The following SYTL1 variants were observed in gnomAD, a reference collection of about 807,000 sequenced individuals.
SYTL1 encodes the protein synaptotagmin-like protein 1.
A neutral mutation model predicts 74.6 loss-of-function variants in SYTL1; 53 were observed. That is an observed-to-expected ratio of 0.71 (90% CI 0.57 to 0.89). The LOEUF is 0.89. Ranked by LOEUF, SYTL1 falls within the 40% of genes least tolerant of loss-of-function variation. The pLI is 0.00. For missense variants in SYTL1, 728 were observed against 768.7 expected, an observed-to-expected ratio of 0.95 and a Z score of 0.63; for synonymous variants, 329 against 324.9, an observed-to-expected ratio of 1.01 and a Z score of -0.14.
rs369380842 is a variant in SYTL1, at chr1:27,350,832, G to A, written c.1044G>A (p.Leu348=). Residue 348 remains leucine, a synonymous_variant, in exon 11 of 15, where the codon CTG becomes CTA. Transcript: ENST00000616558. This position sits in a 1 kb window ranked among gnomAD's most constrained non-coding sequence, Gnocchi z 6.3. The part of the protein sequence containing the change: ...VPQAELQGRV[L]SLSVWHRESL... ...AGGCCGAGCTTCAGGGCCGCGTGCT[G>A]AGCCTGTCTGTGTGGCACCGCGAAA... The A allele has an allele frequency of 7.4e-6, 12 of 1,613,756 alleles. No individual in the cohort carries two copies. Among genetic ancestry groups the A allele is most frequent in the Non-Finnish European group, 8.5e-6 (10 of 1,180,044 alleles).
Position 27,348,067 on chromosome 1 carries a change from T to A in SYTL1, c.459+55T>A. The A allele has an allele frequency of 1.3e-6, 2 of 1,574,996 alleles. No individual in the cohort carries two copies. The highest frequency in any genetic ancestry group is 1.7e-6 in the Non-Finnish European group (2 of 1,144,944). ...GTGTCCCTGGAGGGGAGGTGGAATG[T>A]GCAGGGGGCAGGGGGGAAAGAGCCC... On this transcript the variant is annotated intron_variant, in intron 5 of 14. Coordinates refer to ENST00000616558, the MANE Select transcript of SYTL1 (RefSeq NM_001193308.2). This position sits in a 1 kb window ranked among gnomAD's most constrained non-coding sequence, Gnocchi z 4.1.
At chr1:27,349,010 C>G in intron 5 of SYTL1, 70 bp from the exon 6 acceptor site, 1 of 1,262,618 alleles carries the variant, frequency 7.9e-7, no homozygotes, top group East Asian at 2.4e-5. Flanking sequence ...TGACCTCTGA[C>G]CCCAATATGA....
intron 2 of SYTL1, among the ~76,000 whole-genome samples, chr1:27,346,573 G>T (rs145197218): frequency 0.023 from 3,555 of 152,150 alleles, 63 homozygotes; most frequent in Non-Finnish European, 0.033. Flanking sequence ...GACCAGCCTG[G>T]ACAACACAGT....
chr1:27,350,474 G>T lies in SYTL1; in HGVS notation c.994G>T (p.Glu332Ter). The change falls in exon 10 of 15, where the codon GAG (glutamate) becomes TAG (stop). Residue 332 changes from glutamate (E) to a stop codon, truncating the protein, a stop_gained. Coordinates refer to ENST00000616558, the MANE Select transcript of SYTL1 (RefSeq NM_001193308.2). LOFTEE classifies it high-confidence loss of function. This position sits in a 1 kb window ranked among gnomAD's most constrained non-coding sequence, Gnocchi z 6.3. ...ACGGAATCTGAATCCGGTTTTCAAC[G>T]AGACTCTCCGGGTGAGGCTGTGACC... is the stretch of plus-strand genomic sequence containing the variant. ...KKRNLNPVFN[E>*]TLRYSVPQAE... The T allele has an allele frequency of 6.2e-7, 1 of 1,613,122 alleles. No individual in the cohort carries two copies. Among genetic ancestry groups the T allele is most frequent in the Non-Finnish European group, 8.5e-7 (1 of 1,179,544 alleles).
chr1:27,350,242 GGGA>G lies in SYTL1; in HGVS notation c.908+113_908+115del. 6.7e-7 allele frequency: 1 copy of G among 1,486,390 alleles called. No homozygotes were observed. The highest frequency in any genetic ancestry group is 9.3e-7 in the Non-Finnish European group (1 of 1,078,682). The allele number at this position is 1,486,390 out of a possible 1,614,324, so 92.1% of individuals were successfully genotyped here. A position where few individuals can be genotyped will look rare whatever the true frequency, so the allele number is the denominator to read the frequency against. The stretch of plus-strand genomic sequence containing the variant: ...TCAAAATGGGAACAACAGCGTTATT[GGGA>G]GGCGTGCGATTAAGCGAGACAATCC... On this transcript the variant is annotated intron_variant, in intron 9 of 14. Coordinates refer to ENST00000616558, the MANE Select transcript of SYTL1 (RefSeq NM_001193308.2). This position sits in a 1 kb window ranked among gnomAD's most constrained non-coding sequence, Gnocchi z 6.3.
In SYTL1 at chr1:27,351,890, G is replaced by C; in HGVS notation, c.1343+335G>C. On this transcript the variant is annotated intron_variant, in intron 13 of 14. Transcript: ENST00000616558. This position sits in a 1 kb window ranked among gnomAD's most constrained non-coding sequence, Gnocchi z 5.0. ...GTAAGCTTCTAGGGGACTTCTAGGG[G>C]TGCCTCCAGGTGCTGCCCCCACTGT... 1 of 238,280 alleles carries C rather than the reference G, an allele frequency of 4.2e-6. No homozygotes were observed. Among genetic ancestry groups the C allele is most frequent in the Non-Finnish European group, 8.0e-6 (1 of 124,446 alleles). 14.8% of individuals were successfully genotyped at this position (238,280 alleles called of 1,614,324 possible). A position where few individuals can be genotyped will look rare whatever the true frequency, so the allele number is the denominator to read the frequency against.
intron 8 of SYTL1, 49 bp from the exon 9 acceptor site, chr1:27,349,923 G>T: frequency 6.4e-7 from 1 of 1,556,132 alleles, no homozygotes; most frequent in Non-Finnish European, 8.6e-7. Context: ...CCGCGGCCCC[G>T]ACGTGAGCCC....
In SYTL1 at chr1:27,345,569, A is replaced by C. The variant is rs779709580; in HGVS notation, c.191+44A>C. Reference sequence around the variant, plus strand: ...TGGCCGGGGAGCACCAAGAGGCTTGAGTGGCCCCCATCCTGCTCCCTACCG... The same window carrying C: ...TGGCCGGGGAGCACCAAGAGGCTTGCGTGGCCCCCATCCTGCTCCCTACCG... On this transcript the variant is annotated intron_variant, in intron 2 of 14. Coordinates refer to ENST00000616558, the MANE Select transcript of SYTL1 (RefSeq NM_001193308.2). The surrounding 1 kb of genome is among the most constrained non-coding windows in gnomAD (Gnocchi z 6.0). 4 of 1,376,158 alleles carry C rather than the reference A, an allele frequency of 2.9e-6. No individual in the cohort carries two copies. The South Asian group carries it at 4.0e-5, about 14-fold the overall frequency. The allele number at this position is 1,376,158 out of a possible 1,614,324, so 85.2% of individuals were successfully genotyped here. A position where few individuals can be genotyped will look rare whatever the true frequency, so the allele number is the denominator to read the frequency against.
chr1:27,349,407 A>T lies in SYTL1; in HGVS notation c.542A>T (p.Gln181Leu). The T allele has an allele frequency of 6.9e-7, 1 of 1,447,094 alleles. No homozygotes were observed. The highest frequency in any genetic ancestry group is 9.1e-7 in the Non-Finnish European group (1 of 1,097,826). 89.6% of individuals were successfully genotyped at this position (1,447,094 alleles called of 1,614,324 possible). A position where few individuals can be genotyped will look rare whatever the true frequency, so the allele number is the denominator to read the frequency against. Residue 181 changes from glutamine to leucine, a missense_variant, in exon 7 of 15, where the codon CAA becomes CTA. Transcript: ENST00000616558. ...EASQAQEDPGQGDQQVCAEEA... is the reference protein window; with the variant it reads ...EASQAQEDPGLGDQQVCAEEA... ...TCGTGCCCCACCCCAGATCCTGGCC[A>T]AGGAGACCAACAGGTCTGTGCCGAG...
In SYTL1 at chr1:27,348,768, T is replaced by C. The variant is rs766750292; in HGVS notation, c.460-312T>C. On this transcript the variant is annotated intron_variant, in intron 5 of 14. Coordinates refer to ENST00000616558, the MANE Select transcript of SYTL1 (RefSeq NM_001193308.2). This position sits in a 1 kb window ranked among gnomAD's most constrained non-coding sequence, Gnocchi z 4.1. ...AAAAGGTTGTCTACCAATGGGTCAA[T>C]ATAAAAAATAAAAATAAAAAAAGGA... Among the ~76,000 whole-genome samples the C allele has an allele frequency of 5.3e-5, 8 of 151,912 alleles. No homozygotes were observed. The highest frequency in any genetic ancestry group is 8.8e-5 in the Non-Finnish European group (6 of 67,930).
In SYTL1 at chr1:27,347,042, A is replaced by G. The variant is rs1373135723; in HGVS notation, c.192-379A>G. Among the ~76,000 whole-genome samples, 1 of 151,866 alleles carries G rather than the reference A, an allele frequency of 6.6e-6. No homozygotes were observed. The highest frequency in any genetic ancestry group is 1.5e-5 in the Non-Finnish European group (1 of 67,982). On this transcript the variant is annotated intron_variant, in intron 2 of 14. Coordinates refer to ENST00000616558, the MANE Select transcript of SYTL1 (RefSeq NM_001193308.2). This position sits in a 1 kb window ranked among gnomAD's most constrained non-coding sequence, Gnocchi z 4.9. ...GAGGCTGAGGTGGGAGGATCACTTG[A>G]GCCTGGAAGGTGAAGGTTGCAGTGA...
intron 8 of SYTL1, 57 bp from the exon 9 acceptor site, chr1:27,349,915 G>A (rs1410882781): frequency 1.3e-6 from 2 of 1,550,244 alleles, no homozygotes; most frequent in South Asian, 2.3e-5. Flanking sequence ...CGCGCTGCCC[G>A]CGGCCCCGAC....
intron 8 of SYTL1, 69 bp from the exon 9 acceptor site, chr1:27,349,903 T>C: frequency 1.3e-6 from 2 of 1,543,280 alleles, no homozygotes; most frequent in Non-Finnish European, 1.7e-6. Flanking sequence ...GTCTGAAGCC[T>C]CCGCGCTGCC....
intron 7 of SYTL1, 43 bp from the exon 8 acceptor site, chr1:27,349,609 G>C: frequency 6.4e-7 from 1 of 1,563,122 alleles, no homozygotes; most frequent in Non-Finnish European, 8.7e-7. Context: ...TCGGGGCAGG[G>C]GTGGGGAAAG....
At chr1:27,349,554 G>C (rs778663057) in intron 7 of SYTL1, 56 bp downstream of exon 7, 7 of 1,473,340 alleles carry the variant, frequency 4.8e-6, no homozygotes, top group Admixed American at 2.5e-5. Flanking sequence ...TCCGGGCGGG[G>C]AGCGCTCCTG....
In SYTL1 at chr1:27,350,665, TTA is replaced by T; in HGVS notation, c.1006-128_1006-127del. The T allele has an allele frequency of 8.2e-7, 1 of 1,219,406 alleles. No individual in the cohort carries two copies. The highest frequency in any genetic ancestry group is 1.2e-6 in the Non-Finnish European group (1 of 867,860). 75.5% of individuals were successfully genotyped at this position (1,219,406 alleles called of 1,614,324 possible). ...GGCGTGGTGATAGTGCAGGTCCCCA[TTA>T]ATGCCCTTAGGGGCTCCCCAGAATT... On this transcript the variant is annotated intron_variant, in intron 10 of 14. Coordinates refer to ENST00000616558, the MANE Select transcript of SYTL1 (RefSeq NM_001193308.2). This position sits in a 1 kb window ranked among gnomAD's most constrained non-coding sequence, Gnocchi z 6.3.
Position 27,349,404 on chromosome 1 carries a change from G to T in SYTL1, c.539G>T (p.Gly180Val), listed in dbSNP as rs1340875288. 1.4e-6 allele frequency: 2 copies of T among 1,447,002 alleles called. No individual in the cohort carries two copies. Among genetic ancestry groups the T allele is most frequent in the Non-Finnish European group, 1.8e-6 (2 of 1,097,788 alleles). The allele number at this position is 1,447,002 out of a possible 1,614,324, so 89.6% of individuals were successfully genotyped here. The part of the protein sequence containing the change: ...EEASQAQEDP[G>V]QGDQQVCAEE... The stretch of plus-strand genomic sequence containing the variant: ...ATCTCGTGCCCCACCCCAGATCCTG[G>T]CCAAGGAGACCAACAGGTCTGTGCC... The change falls in exon 7 of 15, where the codon GGC becomes GTC. Residue 180 changes from glycine to valine, a missense_variant. Physicochemically the swap from Gly to Val is moderately radical, Grantham distance 109 (BLOSUM62 -3). Coordinates refer to ENST00000616558, the MANE Select transcript of SYTL1 (RefSeq NM_001193308.2).
chr1:27,353,680 T>C, intron 14 of SYTL1, 33 bp from the exon 15 acceptor site: 7 of 1,602,052 alleles, frequency 4.4e-6, no homozygotes, highest in Non-Finnish European at 6.0e-6. Flanking sequence ...TCCAGTGTGA[T>C]CATGCCCTCA....
Position 27,349,923 on chromosome 1 carries a change from G to A in SYTL1, c.748-49G>A, listed in dbSNP as rs916432096. 2.5e-5 allele frequency: 39 copies of A among 1,556,026 alleles called. No individual in the cohort carries two copies. The East Asian group carries it at 9.4e-4, about 37-fold the overall frequency. ...AAGCCTCCGCGCTGCCCGCGGCCCCGACGTGAGCCCTGCGAGCGGCCCTGA... is the reference window on the plus strand; with the variant it reads ...AAGCCTCCGCGCTGCCCGCGGCCCCAACGTGAGCCCTGCGAGCGGCCCTGA... On this transcript the variant is annotated intron_variant, in intron 8 of 14. Coordinates refer to ENST00000616558, the MANE Select transcript of SYTL1 (RefSeq NM_001193308.2).
Sources: allele counts gnomAD v4.1 joint callset (sites outside exome capture counted in the v4.1 genomes callset), GRCh38; gene constraint gnomAD v4.1.1; non-coding constraint Gnocchi (gnomAD v3.1); transcripts MANE v1.5; gene names NCBI Gene and HGNC (gene_info 2026-07-23, HGNC 2026-07-21).